The following CRIM1 variants were observed in gnomAD, a reference collection of about 807,000 sequenced individuals.
The protein encoded by CRIM1 is cysteine-rich motor neuron 1 protein.
CRIM1 carries 32 observed loss-of-function variants against 116.4 expected under a neutral mutation model. The ratio of observed to expected loss-of-function variants is 0.27; its 90% CI spans 0.21 to 0.37. CRIM1 has a LOEUF of 0.37. Ranked by LOEUF, CRIM1 falls within the 10% of genes least tolerant of loss-of-function variation. The probability of loss-of-function intolerance (pLI) is 1.00; values close to 1 mark genes in which losing one functional copy is unlikely to be tolerated. For synonymous variants in CRIM1, 590 were observed against 509.2 expected (o/e 1.16, Z -2.13); for missense variants, 1,331 against 1,354.8 (o/e 0.98, Z 0.28).
chr2:36,479,505 T>C lies in CRIM1; in HGVS notation c.1183T>C (p.Tyr395His). The C allele has an allele frequency of 6.2e-7, 1 of 1,614,184 alleles. No individual in the cohort carries two copies. Residue 395 changes from tyrosine (Y) to histidine (H), a missense_variant, in exon 7 of 17, where the codon TAT (tyrosine) becomes CAT (histidine). This residue lies in a region of CRIM1 where 690 missense variants were observed against 676.0 expected (regional missense o/e 1.02). Coordinates refer to ENST00000280527, the MANE Select transcript of CRIM1 (RefSeq NM_016441.3). Reference sequence around the variant, plus strand: ...CTCATGTTCTCATTTAGATCCAGTGTATCCTTTTAATAATCCCGCTGGCTG... The same window carrying C: ...CTCATGTTCTCATTTAGATCCAGTGCATCCTTTTAATAATCCCGCTGGCTG... ...ECCPVCEDPV[Y>H]PFNNPAGCYA...
chr2:36,518,486 T>G (rs1279889279), intron 12 of CRIM1, among the ~76,000 whole-genome samples: 1 of 152,240 alleles, frequency 6.6e-6, no homozygotes, highest in African/African-American at 2.4e-5. Context: ...ATGTGCAGCA[T>G]CATCAGTGTC....
chr2:36,488,085 CAG>C (rs752522758), intron 7 of CRIM1, among the ~76,000 whole-genome samples: 2 of 152,140 alleles, frequency 1.3e-5, no homozygotes, highest in Non-Finnish European at 2.9e-5. Context: ...CCTATAAAAA[CAG>C]AATGATTTCA....
chr2:36,374,912 G>C (rs1558511125), intron 1 of CRIM1, among the ~76,000 whole-genome samples: 1 of 151,530 alleles, frequency 6.6e-6, no homozygotes, highest in East Asian at 1.9e-4. Context: ...GACTCTAAGA[G>C]TATGGAAGCT....
intron 13 of CRIM1, among the ~76,000 whole-genome samples, chr2:36,525,534 G>A (rs1665698159): frequency 1.3e-5 from 2 of 152,116 alleles, no homozygotes; most frequent in African/African-American, 4.8e-5. Context: ...ACCATCAGGC[G>A]GCATGTCTTA....
intron 2 of CRIM1, among the ~76,000 whole-genome samples, chr2:36,425,267 T>C (rs1674363847): frequency 6.6e-6 from 1 of 152,210 alleles, no homozygotes; most frequent in Non-Finnish European, 1.5e-5. Flanking sequence ...CCAGCCTTAA[T>C]AAACAGCTCT....
chr2:36,534,120 G>T (rs1666319196), intron 13 of CRIM1, among the ~76,000 whole-genome samples: 1 of 139,928 alleles, frequency 7.1e-6, no homozygotes, highest in African/African-American at 2.7e-5. Flanking sequence ...GGAAGGAGGG[G>T]AAAGGAGGGA....
chr2:36,390,657 C>T lies in CRIM1; in HGVS notation c.332-5957C>T, dbSNP rs1203790847. On this transcript the variant is annotated intron_variant, in intron 1 of 16. Transcript: ENST00000280527. ...CCTTCTCATTTCTGCTTGCAGTTTC[C>T]CCAGATAGTTTAATACAGAGGACAT... is the stretch of plus-strand genomic sequence containing the variant. Among the ~76,000 whole-genome samples the T allele has an allele frequency of 2.0e-5, 3 of 151,846 alleles. No individual in the cohort carries two copies. The East Asian group carries it at 5.8e-4, about 29-fold the overall frequency.
chr2:36,448,393 TAG>T (rs1226225512), intron 4 of CRIM1, among the ~76,000 whole-genome samples: 1 of 152,224 alleles, frequency 6.6e-6, no homozygotes, highest in East Asian at 1.9e-4. Context: ...CTCAAGAAGA[TAG>T]AGAGTTCTAA....
At chr2:36,368,809 C>G (rs1669762166) in intron 1 of CRIM1, among the ~76,000 whole-genome samples, 1 of 152,282 alleles carries the variant, frequency 6.6e-6, no homozygotes, top group Non-Finnish European at 1.5e-5. Flanking sequence ...TTTTAGTTTT[C>G]TGTAATACTT....
intron 2 of CRIM1, among the ~76,000 whole-genome samples, chr2:36,434,717 C>T (rs1448548310): frequency 6.6e-6 from 1 of 152,134 alleles, no homozygotes; most frequent in Non-Finnish European, 1.5e-5. Flanking sequence ...AAACATTTTT[C>T]TTGTTGAGTC....
At chr2:36,435,561 T>C (rs1675245735) in intron 2 of CRIM1, among the ~76,000 whole-genome samples, 1 of 152,084 alleles carries the variant, frequency 6.6e-6, no homozygotes, top group African/African-American at 2.4e-5. Context: ...AAGCAGAAGC[T>C]CTTGCATGCA....
At chr2:36,529,276 G>T in intron 13 of CRIM1, 1 of 455,890 alleles carries the variant, frequency 2.2e-6, no homozygotes, top group Non-Finnish European at 4.6e-6. Flanking sequence ...ACAGGACTTG[G>T]ACTGTGACCA....
chr2:36,374,599 A>G (rs747044131), intron 1 of CRIM1, among the ~76,000 whole-genome samples: 7 of 152,224 alleles, frequency 4.6e-5, no homozygotes, highest in Non-Finnish European at 7.4e-5. Flanking sequence ...TTGTCAAGCA[A>G]TTGGGTTGTA....
chr2:36,548,592 G>C lies in CRIM1; in HGVS notation c.3002G>C (p.Ser1001Thr). The change falls in exon 17 of 17, where the codon AGT (serine) becomes ACT (threonine). Residue 1001 changes from serine to threonine, a missense_variant. By Grantham distance (58) the Ser-to-Thr change is moderately conservative. Transcript: ENST00000280527. ...AAAGGAACCAGAGTCCAGGTGGACA[G>C]TTCCCAGAGAATGCTAAGAATTGCA... is the stretch of plus-strand genomic sequence containing the variant. Reference protein sequence around the residue: ...CKKGTRVQVDSSQRMLRIAEP... With the variant: ...CKKGTRVQVDTSQRMLRIAEP... The C allele has an allele frequency of 1.2e-6, 2 of 1,612,700 alleles. No homozygotes were observed. The highest frequency in any genetic ancestry group is 8.5e-7 in the Non-Finnish European group (1 of 1,179,408).
chr2:36,389,156 A>G (rs1459352430), intron 1 of CRIM1, among the ~76,000 whole-genome samples: 5 of 152,250 alleles, frequency 3.3e-5, no homozygotes, highest in Admixed American at 2.6e-4. Context: ...AATCATTTCT[A>G]CTGATAACCA....
intron 3 of CRIM1, 110 bp downstream of exon 3, chr2:36,441,610 C>T (rs894960131): frequency 2.2e-5 from 30 of 1,378,576 alleles, no homozygotes; most frequent in South Asian, 1.2e-4. Flanking sequence ...GCCTTCTCAC[C>T]GGTGTCCTGT....
intron 4 of CRIM1, among the ~76,000 whole-genome samples, chr2:36,447,722 C>T (rs1038013569): frequency 1.3e-5 from 2 of 152,168 alleles, no homozygotes; most frequent in Admixed American, 6.5e-5. Context: ...GGTTCCACTT[C>T]TTGATGAGAT....
At position 36,378,246 on chromosome 2, in the gene CRIM1, T is replaced by C. The variant is rs1314890817; in HGVS notation, c.332-18368T>C. 41 of 466,254 alleles carry C rather than the reference T, an allele frequency of 8.8e-5. 1 individual carries two copies. Among genetic ancestry groups the C allele is most frequent in the Non-Finnish European group, 6.7e-5 (15 of 224,520 alleles). The allele number at this position is 466,254 out of a possible 1,614,324, so 28.9% of individuals were successfully genotyped here. On this transcript the variant is annotated intron_variant, in intron 1 of 16. Transcript: ENST00000280527. ...AGTAAATGTATTTTAAATCAATGAG[T>C]AATTGATGGGATATTTTTCTTCACA...
intron 2 of CRIM1, among the ~76,000 whole-genome samples, chr2:36,401,515 G>A (rs1027998995): frequency 1.2e-4 from 19 of 152,168 alleles, no homozygotes; most frequent in African/African-American, 4.6e-4. Flanking sequence ...TGCACCATGG[G>A]CACATCAGTT....
Sources: gnomAD v4.1 joint callset for allele counts (sites outside exome capture counted in the v4.1 genomes callset) on GRCh38, gnomAD v4.1.1 for gene constraint, gnomAD v4.1.1 regional missense constraint, MANE v1.5 for transcripts, NCBI Gene and HGNC (gene_info 2026-07-23, HGNC 2026-07-21) for gene names.